The following FRMD4B variants were observed in gnomAD, a reference collection of about 807,000 sequenced individuals.
FRMD4B encodes FERM domain-containing protein 4B.
A neutral mutation model predicts 141.5 loss-of-function variants in FRMD4B; 74 were observed. The ratio of observed to expected loss-of-function variants is 0.52; its 90% confidence interval spans 0.43 to 0.63. The LOEUF is 0.63. FRMD4B is among the 30% of genes least tolerant of loss of function. The probability of loss-of-function intolerance (pLI) is 0.00; values close to 1 mark genes in which losing one functional copy is unlikely to be tolerated. For synonymous variants in FRMD4B, 506 were observed against 467.9 expected, an observed-to-expected ratio of 1.08 and a Z score of -1.05; for missense variants, 1,366 against 1,253.4, an observed-to-expected ratio of 1.09 and a Z score of -1.36.
chr3:69,416,937 T>C (rs928987440), intron 2 of FRMD4B, among the ~76,000 whole-genome samples: 4 of 152,206 alleles, frequency 2.6e-5, no homozygotes, highest in African/African-American at 9.6e-5. Context: ...ACATTTTCTT[T>C]ATCCAGTCTA....
intron 4 of FRMD4B, among the ~76,000 whole-genome samples, chr3:69,297,843 C>G (rs1029565294): frequency 5.3e-5 from 8 of 152,120 alleles, no homozygotes; most frequent in African/African-American, 1.7e-4. Context: ...ATTATGGTAC[C>G]TAAATAAATT....
chr3:69,283,782 C>T (rs1258748769), intron 5 of FRMD4B, among the ~76,000 whole-genome samples: 1 of 152,110 alleles, frequency 6.6e-6, no homozygotes, highest in African/African-American at 2.4e-5. Flanking sequence ...ACTCATCAGT[C>T]AACCCTTAGA....
Position 69,171,903 on chromosome 3 carries a change from T to C in FRMD4B, c.3063A>G (p.Arg1021=). 6.2e-7 allele frequency: 1 copy of C among 1,613,424 alleles called. No individual in the cohort carries two copies. Among genetic ancestry groups the C allele is most frequent in the East Asian group, 2.2e-5 (1 of 44,858 alleles). The change falls in exon 23 of 23, where the codon AGA becomes AGG. Residue 1021 remains arginine (R), a synonymous_variant. Coordinates refer to ENST00000398540, the MANE Select transcript of FRMD4B (RefSeq NM_015123.3). ...GCTTTGAATCTTCATGCCAAAAGAG[T>C]CTCTGCTCACTACTCTCCAGGTTGT... ...LEDNLESSEQ[R]LFWHEDSKPG...
chr3:69,207,878 T>C (rs2093039335), intron 11 of FRMD4B, among the ~76,000 whole-genome samples: 1 of 152,056 alleles, frequency 6.6e-6, no homozygotes. Context: ...CCTTTTCTTC[T>C]AGCAGCATCT....
At chr3:69,427,673 T>TTTTTTTTTTTA (rs1705109958) in intron 2 of FRMD4B, among the ~76,000 whole-genome samples, 2 of 131,978 alleles carry the variant, frequency 1.5e-5, no homozygotes, top group East Asian at 2.2e-4. Context: ...TTTTTTTTTT[T>TTTTTTTTTTTA]GAGACAGATT....
intron 1 of FRMD4B, among the ~76,000 whole-genome samples, chr3:69,357,895 G>A (rs998986405): frequency 6.6e-6 from 1 of 152,148 alleles, no homozygotes; most frequent in Non-Finnish European, 1.5e-5. Context: ...CTCTAATTCA[G>A]CCTCTAGAAA....
At chr3:69,326,120 T>TG (rs1192712992) in intron 1 of FRMD4B, among the ~76,000 whole-genome samples, 2 of 77,810 alleles carry the variant, frequency 2.6e-5, no homozygotes, top group Non-Finnish European at 4.5e-5. Flanking sequence ...GGCTAATCAA[T>TG]TTTTTTTTTT....
intron 11 of FRMD4B, chr3:69,200,890 A>C: frequency 6.6e-6 from 3 of 456,938 alleles, no homozygotes; most frequent in Non-Finnish European, 8.8e-6. Flanking sequence ...TCCCACACAC[A>C]TAAAAACCAG....
intron 1 of FRMD4B, among the ~76,000 whole-genome samples, chr3:69,444,840 T>A (rs557586641): frequency 6.6e-6 from 1 of 152,322 alleles, no homozygotes; most frequent in East Asian, 1.9e-4. Flanking sequence ...CTTGTTTTAA[T>A]AGGCAAAACT....
At chr3:69,518,035 T>C (rs2107119985) in intron 1 of FRMD4B, among the ~76,000 whole-genome samples, 1 of 152,298 alleles carries the variant, frequency 6.6e-6, no homozygotes, top group South Asian at 2.1e-4. Flanking sequence ...ACGTCATACT[T>C]TGAGAACCAC....
At chr3:69,421,328 T>A (rs1321492630) in intron 2 of FRMD4B, among the ~76,000 whole-genome samples, 2 of 152,016 alleles carry the variant, frequency 1.3e-5, no homozygotes, top group Non-Finnish European at 2.9e-5. Context: ...GTATGAAGAG[T>A]CATCTGAGGT....
intron 2 of FRMD4B, among the ~76,000 whole-genome samples, chr3:69,410,416 G>C (rs2106778465): frequency 6.6e-6 from 1 of 152,216 alleles, no homozygotes; most frequent in South Asian, 2.1e-4. Context: ...ATGAGTATGA[G>C]GGTGAGCATG....
chr3:69,530,420 C>T (rs62252568), intron 1 of FRMD4B, among the ~76,000 whole-genome samples: 35,291 of 152,072 alleles, frequency 0.23, 4,310 homozygotes, highest in African/African-American at 0.29. Flanking sequence ...CTCTTCCCTC[C>T]TCTCTCATCA....
chr3:69,489,960 G>A (rs1433284786), intron 1 of FRMD4B, among the ~76,000 whole-genome samples: 2 of 152,194 alleles, frequency 1.3e-5, no homozygotes, highest in South Asian at 2.1e-4. Context: ...ACATTATTAT[G>A]AGCCAGTCAG....
chr3:69,299,324 CAGA>C (rs964063193), intron 4 of FRMD4B, among the ~76,000 whole-genome samples: 1 of 152,178 alleles, frequency 6.6e-6, no homozygotes, highest in African/African-American at 2.4e-5. Flanking sequence ...CTCTGTTTTA[CAGA>C]AGGACACTCA....
At chr3:69,466,465 T>C (rs530676193) in intron 1 of FRMD4B, among the ~76,000 whole-genome samples, 147 of 152,304 alleles carry the variant, frequency 9.7e-4, no homozygotes, top group African/African-American at 3.2e-3. Flanking sequence ...TCCTTATCTT[T>C]TGAGGATACA....
At chr3:69,419,578 G>C (rs1704934393) in intron 2 of FRMD4B, among the ~76,000 whole-genome samples, 1 of 152,140 alleles carries the variant, frequency 6.6e-6, no homozygotes, top group Admixed American at 6.5e-5. Flanking sequence ...AGGGGCAGGA[G>C]AGCAAAGCTA....
chr3:69,491,586 A>T (rs767934610), intron 1 of FRMD4B, among the ~76,000 whole-genome samples: 2 of 152,226 alleles, frequency 1.3e-5, no homozygotes, highest in Non-Finnish European at 2.9e-5. Context: ...GAACAAAAAG[A>T]GAGAAAAAGA....
intron 1 of FRMD4B, among the ~76,000 whole-genome samples, chr3:69,331,178 G>A (rs1012438433): frequency 6.6e-6 from 1 of 152,170 alleles, no homozygotes; most frequent in African/African-American, 2.4e-5. Flanking sequence ...GGTAGAGTAG[G>A]ATCACTCAAA....
Sources: gnomAD v4.1 joint callset for allele counts (sites outside exome capture counted in the v4.1 genomes callset) on GRCh38, gnomAD v4.1.1 for gene constraint, MANE v1.5 for transcripts, NCBI Gene and HGNC (gene_info 2026-07-23, HGNC 2026-07-21) for gene names.